Variants in DOCK1 observed in about 807,000 individuals in gnomAD.
The protein encoded by DOCK1 is dedicator of cytokinesis protein 1.
In DOCK1, 138 loss-of-function variants were observed where a neutral mutation model predicts 262.7. The ratio of observed to expected loss-of-function variants is 0.53; its 90% CI spans 0.46 to 0.61. The LOEUF (loss-of-function observed/expected upper bound fraction) is 0.61. DOCK1 is among the 20% of genes least tolerant of loss of function. The pLI, the probability that DOCK1 is intolerant of heterozygous loss-of-function variation, is 0.00. For synonymous variants in DOCK1, 866 were observed against 867.4 expected, an observed-to-expected ratio of 1.00 and a Z score of 0.03; for missense variants, 1,908 against 2,370.7, an observed-to-expected ratio of 0.80 and a Z score of 4.05.
At chr10:126,969,543 C>A (rs1419541521) in intron 1 of DOCK1, among the ~76,000 whole-genome samples, 1 of 152,288 alleles carries the variant, frequency 6.6e-6, no homozygotes, top group Admixed American at 6.5e-5. Flanking sequence ...ATAAGACTGG[C>A]TCATGCAGAA....
chr10:126,952,272 T>C (rs1447569518), intron 1 of DOCK1, among the ~76,000 whole-genome samples: 2 of 152,162 alleles, frequency 1.3e-5, no homozygotes, highest in Admixed American at 6.6e-5. Context: ...AGCATTGTTA[T>C]TGTTCATAGT....
In DOCK1 at chr10:127,437,633, C is replaced by A. The variant is rs2069784634; in HGVS notation, c.5061-1394C>A. Reference sequence around the variant, plus strand: ...AGCTGGGACTATAGGTGCACACCACCATGCCCAGCTAATTTTTGTACGTTT... The same window carrying A: ...AGCTGGGACTATAGGTGCACACCACAATGCCCAGCTAATTTTTGTACGTTT... On this transcript the variant is annotated intron_variant, in intron 48 of 51. Coordinates refer to ENST00000623213, the MANE Select transcript of DOCK1 (RefSeq NM_001290223.2). The surrounding 1 kb of genome is among the most constrained non-coding windows in gnomAD (Gnocchi z 4.4). 6.6e-6 allele frequency among the ~76,000 whole-genome samples: 1 copy of A among 152,154 alleles called. No homozygotes were observed. Among genetic ancestry groups the A allele is most frequent in the African/African-American group, 2.4e-5 (1 of 41,440 alleles).
intron 12 of DOCK1, among the ~76,000 whole-genome samples, chr10:127,016,970 CAT>C (rs1300925424): frequency 7.0e-6 from 1 of 142,118 alleles, no homozygotes; most frequent in East Asian, 2.2e-4. Context: ...ACCACAAATA[CAT>C]ACACACGCAC....
At chr10:127,410,243 A>AT (rs1032612531) in intron 42 of DOCK1, among the ~76,000 whole-genome samples, 7 of 151,994 alleles carry the variant, frequency 4.6e-5, no homozygotes, top group South Asian at 2.1e-4. Flanking sequence ...GGGTTGCAAC[A>AT]TTTTTTTTCA....
chr10:127,356,631 C>G (rs550952303), intron 32 of DOCK1, among the ~76,000 whole-genome samples: 12 of 151,942 alleles, frequency 7.9e-5, no homozygotes, highest in African/African-American at 2.9e-4. Context: ...AGGCAGGAGA[C>G]GGGGGAGGGC....
intron 29 of DOCK1, among the ~76,000 whole-genome samples, chr10:127,264,797 A>C (rs1728324879): frequency 6.6e-6 from 1 of 151,982 alleles, no homozygotes; most frequent in Non-Finnish European, 1.5e-5. Context: ...GGTAGCTGGG[A>C]CTACCGACAC....
Position 127,403,141 on chromosome 10 carries a change from G to A in DOCK1, c.4014G>A (p.Leu1338=). ...EMFDYEQLSE[L]LKKQAQFYEN... ...TTGATTATGAGCAACTCAGCGAATTGCTGGTGAGTCTTTATTTCTTTTTAT... is the reference window on the plus strand; with the variant it reads ...TTGATTATGAGCAACTCAGCGAATTACTGGTGAGTCTTTATTTCTTTTTAT... The change falls in exon 39 of 52, where the codon TTG becomes TTA. Residue 1338 remains leucine, a synonymous_variant. Coordinates refer to ENST00000623213, the MANE Select transcript of DOCK1 (RefSeq NM_001290223.2). 6.2e-7 allele frequency: 1 copy of A among 1,606,230 alleles called. No individual in the cohort carries two copies. Among genetic ancestry groups the A allele is most frequent in the Non-Finnish European group, 8.5e-7 (1 of 1,176,358 alleles).
chr10:127,340,323 C>T (rs1351392750), intron 30 of DOCK1, among the ~76,000 whole-genome samples: 2 of 152,188 alleles, frequency 1.3e-5, no homozygotes, highest in Non-Finnish European at 2.9e-5. Flanking sequence ...CACTGCCCCT[C>T]TGCAGGGATA....
chr10:127,013,578 A>G (rs2041635852), intron 12 of DOCK1: 1 of 152,222 alleles, frequency 6.6e-6, no homozygotes, highest in Non-Finnish European at 1.5e-5. Flanking sequence ...TCACTGGGAA[A>G]GAGGACCAGA....
At chr10:126,965,434 C>T (rs2037595890) in intron 1 of DOCK1, among the ~76,000 whole-genome samples, 1 of 152,054 alleles carries the variant, frequency 6.6e-6, no homozygotes, top group Non-Finnish European at 1.5e-5. Flanking sequence ...TGGTCCCAGA[C>T]TTTGGAGTGA....
chr10:126,947,481 GAT>G, intron 1 of DOCK1, among the ~76,000 whole-genome samples: 2 of 127,636 alleles, frequency 1.6e-5, no homozygotes, highest in African/African-American at 6.1e-5. Flanking sequence ...TGTTGGTGGT[GAT>G]GGTGGTGGTT....
At chr10:127,366,063 A>G (rs147029122) in intron 33 of DOCK1, among the ~76,000 whole-genome samples, 1 of 152,270 alleles carries the variant, frequency 6.6e-6, no homozygotes, top group African/African-American at 2.4e-5. Flanking sequence ...AAATCCAAGC[A>G]TAAGCCTGAA....
intron 27 of DOCK1, among the ~76,000 whole-genome samples, chr10:127,198,903 A>G (rs948077052): frequency 1.3e-5 from 2 of 152,098 alleles, no homozygotes; most frequent in African/African-American, 4.8e-5. Flanking sequence ...ATCATGCTCC[A>G]GGCTTTAAAG....
At chr10:127,288,176 T>C (rs1247332638) in intron 29 of DOCK1, among the ~76,000 whole-genome samples, 3 of 152,196 alleles carry the variant, frequency 2.0e-5, no homozygotes, top group African/African-American at 7.2e-5. Context: ...TTATGATTCT[T>C]TTTGCTGAAC....
intron 29 of DOCK1, among the ~76,000 whole-genome samples, chr10:127,296,515 G>T (rs1034922089): frequency 6.6e-6 from 1 of 152,214 alleles, no homozygotes; most frequent in Non-Finnish European, 1.5e-5. Flanking sequence ...GAAACCTGCC[G>T]TGTGGAGTGA....
At chr10:127,279,623 A>G (rs2060870360) in intron 29 of DOCK1, among the ~76,000 whole-genome samples, 2 of 152,332 alleles carry the variant, frequency 1.3e-5, no homozygotes, top group African/African-American at 4.8e-5. Context: ...GAAACATGTT[A>G]CTGTTCTCTA....
At position 127,275,917 on chromosome 10, in the gene DOCK1, C is replaced by G. The variant is rs543611070; in HGVS notation, c.3044+18488C>G. 3.5e-4 allele frequency among the ~76,000 whole-genome samples: 53 copies of G among 152,332 alleles called. 1 individual carries two copies. In the South Asian group the frequency reaches 0.01, roughly 29 times the overall value. On this transcript the variant is annotated intron_variant, in intron 29 of 51. Coordinates refer to ENST00000623213, the MANE Select transcript of DOCK1 (RefSeq NM_001290223.2). ...GGCCATATTAATATTTCACCTTTCA[C>G]CAATTTCCCCGCTAATGCCCACGCA...
intron 1 of DOCK1, among the ~76,000 whole-genome samples, chr10:126,942,006 T>C (rs1294086722): frequency 2.0e-5 from 3 of 152,010 alleles, no homozygotes; most frequent in Non-Finnish European, 4.4e-5. Context: ...CGGATGTGTG[T>C]TGTCACTCTG....
intron 19 of DOCK1, among the ~76,000 whole-genome samples, chr10:127,041,683 T>C (rs191595381): frequency 6.6e-5 from 10 of 152,352 alleles, no homozygotes; most frequent in African/African-American, 2.4e-4. Context: ...ACCAGCAGTG[T>C]GCAAGGTCTC....
Sources: allele counts gnomAD v4.1 joint callset (sites outside exome capture counted in the v4.1 genomes callset), GRCh38; gene constraint gnomAD v4.1.1; non-coding constraint Gnocchi (gnomAD v3.1); transcripts MANE v1.5; gene names NCBI Gene and HGNC (gene_info 2026-07-23, HGNC 2026-07-21).